CCDC7: variants seen among roughly 807,000 people sequenced by gnomAD.
CCDC7 encodes coiled-coil domain containing 7.
Under a neutral mutation model 196.9 loss-of-function variants are expected in CCDC7, and 183 were observed. The ratio of observed to expected loss-of-function variants is 0.93; its 90% CI spans 0.82 to 1.05. The LOEUF (loss-of-function observed/expected upper bound fraction) is 1.05. CCDC7 is among the 50% of genes least tolerant of loss of function. The probability of loss-of-function intolerance (pLI) is 0.00; values close to 1 mark genes in which losing one functional copy is unlikely to be tolerated. For synonymous variants in CCDC7, 525 were observed against 484.6 expected (o/e 1.08, Z -1.10); for missense variants, 1,540 against 1,482.2 (o/e 1.04, Z -0.64).
At chr10:32,595,294 G>A (rs2060211409) in intron 18 of CCDC7, among the ~76,000 whole-genome samples, 1 of 152,068 alleles carries the variant, frequency 6.6e-6, no homozygotes, top group Admixed American at 6.6e-5. Context: ...TATGTGTCGG[G>A]GAATTTATCC....
chr10:32,669,914 C>G (rs944308256), intron 21 of CCDC7, among the ~76,000 whole-genome samples: 8 of 152,082 alleles, frequency 5.3e-5, no homozygotes, highest in Admixed American at 3.9e-4. Context: ...TCTCTTTCTT[C>G]TCAGTAAAAT....
chr10:32,710,120 C>A (rs2080574347), intron 24 of CCDC7, among the ~76,000 whole-genome samples: 1 of 152,174 alleles, frequency 6.6e-6, no homozygotes, highest in Non-Finnish European at 1.5e-5. Context: ...TCTGTCATGA[C>A]ACTCTAAAGG....
At chr10:32,843,354 A>C (rs879317816) in intron 33 of CCDC7, among the ~76,000 whole-genome samples, 1 of 151,988 alleles carries the variant, frequency 6.6e-6, no homozygotes, top group African/African-American at 2.4e-5. Context: ...AGAAGGAATA[A>C]TGCTATATGG....
chr10:32,559,651 C>G (rs202047334), intron 13 of CCDC7, among the ~76,000 whole-genome samples: 3 of 151,584 alleles, frequency 2.0e-5, no homozygotes, highest in Admixed American at 6.6e-5. Flanking sequence ...CAAAGGACAT[C>G]CACACCAAAA....
At chr10:32,583,895 A>G (rs36063520) in intron 17 of CCDC7, among the ~76,000 whole-genome samples, 52,330 of 151,810 alleles carry the variant, frequency 0.34, 11,447 homozygotes, top group Non-Finnish European at 0.5. Flanking sequence ...AGTTCTTCTA[A>G]AGATTAAAAC....
At chr10:32,667,241 T>C (rs1055703748) in intron 21 of CCDC7, among the ~76,000 whole-genome samples, 1 of 152,210 alleles carries the variant, frequency 6.6e-6, no homozygotes, top group African/African-American at 2.4e-5. Flanking sequence ...GTAAATTTGT[T>C]TAAGTTCTTT....
intron 20 of CCDC7, among the ~76,000 whole-genome samples, chr10:32,657,247 C>G (rs1382971580): frequency 6.6e-6 from 1 of 152,226 alleles, no homozygotes; most frequent in East Asian, 1.9e-4. Context: ...CTTCTCACAG[C>G]TCTACTAGGC....
At chr10:32,500,824 C>G (rs1444418944) in intron 9 of CCDC7, among the ~76,000 whole-genome samples, 2 of 152,232 alleles carry the variant, frequency 1.3e-5, no homozygotes, top group Non-Finnish European at 2.9e-5. Flanking sequence ...GCAGGCAGAT[C>G]ACTCGCGGTC....
intron 20 of CCDC7, among the ~76,000 whole-genome samples, chr10:32,662,860 G>C (rs1183200551): frequency 6.6e-6 from 1 of 152,130 alleles, no homozygotes; most frequent in African/African-American, 2.4e-5. Flanking sequence ...GATCTTATTT[G>C]TCTTCTGTTG....
rs1207780467 is a variant in CCDC7 at position 32,518,585 on chromosome 10, T to C, written c.993+80T>C. On this transcript the variant is annotated intron_variant, in intron 11 of 41. Coordinates refer to ENST00000639629, the Ensembl canonical transcript of CCDC7. ...TTAGGATAGAAATCAAAGAGCTATT[T>C]AAATGTTATATAATATGTTTTTACT... 20 of 1,101,134 alleles carry C rather than the reference T, an allele frequency of 1.8e-5. No homozygotes were observed. In the Admixed American group the frequency reaches 6.1e-4, roughly 34 times the overall value. The allele number at this position is 1,101,134 out of a possible 1,614,324, so 68.2% of individuals were successfully genotyped here.
intron 30 of CCDC7, among the ~76,000 whole-genome samples, chr10:32,807,688 A>G (rs561630229): frequency 5.3e-5 from 8 of 152,000 alleles, no homozygotes; most frequent in East Asian, 2.0e-4. Flanking sequence ...GATTCCTCCA[A>G]TCCTAGCCAT....
At chr10:32,640,359 T>G (rs1374919147) in intron 20 of CCDC7, among the ~76,000 whole-genome samples, 1 of 152,138 alleles carries the variant, frequency 6.6e-6, no homozygotes, top group Non-Finnish European at 1.5e-5. Flanking sequence ...TGCATTTGCT[T>G]GGTAGATCTT....
At chr10:32,861,250 G>T (rs61856621) in intron 41 of CCDC7, among the ~76,000 whole-genome samples, 2 of 151,820 alleles carry the variant, frequency 1.3e-5, no homozygotes, top group East Asian at 3.9e-4. Flanking sequence ...CAGAACAAAG[G>T]CCTCAGAAAT....
chr10:32,545,618 T>A (rs936870374), intron 13 of CCDC7, among the ~76,000 whole-genome samples: 1 of 152,166 alleles, frequency 6.6e-6, no homozygotes, highest in Non-Finnish European at 1.5e-5. Flanking sequence ...AAATTTCGTA[T>A]GTCTGGGCAG....
chr10:32,593,453 T>G (rs1171827051), intron 18 of CCDC7, among the ~76,000 whole-genome samples: 1 of 152,260 alleles, frequency 6.6e-6, no homozygotes, highest in Non-Finnish European at 1.5e-5. Context: ...TATTAGCCCT[T>G]TGTCAGATGG....
chr10:32,524,432 C>G (rs116672755), intron 11 of CCDC7, among the ~76,000 whole-genome samples: 1,921 of 152,252 alleles, frequency 0.013, 36 homozygotes, highest in African/African-American at 0.043. Context: ...TATGGTGTTA[C>G]ATGATTCTGT....
At chr10:32,575,148 TTTAGA>T (rs1240534262) in intron 16 of CCDC7, among the ~76,000 whole-genome samples, 1 of 152,130 alleles carries the variant, frequency 6.6e-6, no homozygotes, top group Admixed American at 6.5e-5. Flanking sequence ...GGAAGGATAA[TTTAGA>T]TTGGGTGGTC....
chr10:32,461,599 G>A (rs1293307083), intron 3 of CCDC7, among the ~76,000 whole-genome samples: 1 of 150,648 alleles, frequency 6.6e-6, no homozygotes, highest in African/African-American at 2.4e-5. Flanking sequence ...GATAGTGTTG[G>A]GAAGGTGATG....
At chr10:32,660,170 A>T (rs2070972472) in intron 20 of CCDC7, among the ~76,000 whole-genome samples, 1 of 146,622 alleles carries the variant, frequency 6.8e-6, no homozygotes, top group African/African-American at 2.5e-5. Context: ...ACATGTGCAC[A>T]TTGTGCAGGT....
Sources: gnomAD v4.1 joint callset for allele counts (sites outside exome capture counted in the v4.1 genomes callset) on GRCh38, gnomAD v4.1.1 for gene constraint, MANE v1.5 for transcripts, NCBI Gene and HGNC (gene_info 2026-07-23, HGNC 2026-07-21) for gene names.